The following ABCA5 variants were observed in gnomAD, a reference collection of about 807,000 sequenced individuals.
ABCA5 encodes ATP binding cassette subfamily A member 5.
ABCA5 carries 163 observed loss-of-function variants against 206.0 expected under a neutral mutation model. The ratio of observed to expected loss-of-function variants is 0.79; its 90% CI spans 0.70 to 0.90. The LOEUF (loss-of-function observed/expected upper bound fraction) is 0.90, where lower values mean the gene tolerates loss of function less well. Among genes scored for constraint, ABCA5 ranks in the 40% least tolerant of loss-of-function variants. ABCA5 has a pLI of 0.00. For missense variants in ABCA5, 1,859 were observed against 1,912.9 expected, an observed-to-expected ratio of 0.97 and a Z score of 0.53; for synonymous variants, 609 against 613.8, an observed-to-expected ratio of 0.99 and a Z score of 0.11.
At chr17:69,273,747 C>T (rs1598166291) in intron 20 of ABCA5, among the ~76,000 whole-genome samples, 3 of 152,034 alleles carry the variant, frequency 2.0e-5, no homozygotes, top group Admixed American at 2.0e-4. Context: ...GGAGCCATCG[C>T]ACCTGGCCAA....
In ABCA5 at chr17:69,294,640, AG is replaced by A. The variant is rs746667342; in HGVS notation, c.1495+14del. 2 of 1,593,920 alleles carry A rather than the reference AG, an allele frequency of 1.3e-6. No individual in the cohort carries two copies. The highest frequency in any genetic ancestry group is 1.7e-6 in the Non-Finnish European group (2 of 1,164,118). ...CTTTAAATACTATGGCCTGAATACT[AG>A]GAAAACTACTTACTTCTCAAAGCCT... On this transcript the variant is annotated intron_variant, in intron 11 of 38. Transcript: ENST00000392676.
intron 7 of ABCA5, among the ~76,000 whole-genome samples, chr17:69,303,759 TAA>T (rs1176172773): frequency 6.1e-3 from 15 of 2,450 alleles, no homozygotes; most frequent in African/African-American, 7.8e-3. Context: ...ACCTCGACTC[TAA>T]AAAAAAAAAA....
intron 23 of ABCA5, among the ~76,000 whole-genome samples, chr17:69,265,833 G>A (rs555692879): frequency 3.2e-4 from 49 of 152,298 alleles, no homozygotes; most frequent in Admixed American, 5.9e-4. Flanking sequence ...CACACTGCTG[G>A]TAGGGATAAC....
chr17:69,270,508 T>A, intron 22 of ABCA5, 105 bp downstream of exon 22: 1 of 1,108,834 alleles, frequency 9.0e-7, no homozygotes, highest in Middle Eastern at 3.2e-4. Flanking sequence ...CTAAGAGATC[T>A]CACAAGATAA....
Position 69,309,290 on chromosome 17 carries a change from T to C in ABCA5, c.441A>G (p.Pro147=), listed in dbSNP as rs1468474891. 1.3e-6 allele frequency: 2 copies of C among 1,591,018 alleles called. No individual in the cohort carries two copies. ...TTGAATCCATATAAATAGAAGATAC[T>C]GGAATCATATCAGGAAAAAAACGAA... ...YELRFFPDMI[P]VSSIYMDSRA... The change falls in exon 4 of 39, where the codon CCA becomes CCG. Residue 147 remains proline, a synonymous_variant. Coordinates refer to ENST00000392676, the MANE Select transcript of ABCA5 (RefSeq NM_172232.4).
rs201705571 is a variant in ABCA5 at position 69,315,742 on chromosome 17, C to T, written c.-15-1312G>A. The stretch of plus-strand genomic sequence containing the variant: ...AGGTTGCAGTGAGCCAAGATTGCAC[C>T]GCTTCACACCAGCCTGGGTGACAGA... On this transcript the variant is annotated intron_variant, in intron 1 of 38. Coordinates refer to ENST00000392676, the MANE Select transcript of ABCA5 (RefSeq NM_172232.4). 1.4e-4 allele frequency among the ~76,000 whole-genome samples: 21 copies of T among 148,786 alleles called. No homozygotes were observed. The East Asian group carries it at 2.7e-3, about 19-fold the overall frequency.
intron 28 of ABCA5, 38 bp from the exon 29 acceptor site, chr17:69,256,321 T>C (rs779555975): frequency 2.2e-6 from 3 of 1,355,646 alleles, no homozygotes; most frequent in Non-Finnish European, 3.0e-6. Flanking sequence ...CAGTAGGTTT[T>C]CAAATAATTA....
In ABCA5 at chr17:69,277,644, G is replaced by C; in HGVS notation, c.2591C>G (p.Ser864Ter). The C allele has an allele frequency of 6.2e-7, 1 of 1,607,958 alleles. No homozygotes were observed. The highest frequency in any genetic ancestry group is 8.5e-7 in the Non-Finnish European group (1 of 1,177,516). The change falls in exon 19 of 39, where the codon TCA (serine) becomes TGA (stop). Residue 864 changes from serine (S) to a stop codon, truncating the protein, a stop_gained. Transcript: ENST00000392676. LOFTEE classifies it high-confidence loss of function. Reference protein sequence around the residue: ...TLKRESKSVRSVLLLLLIFFT... With the variant: ...TLKRESKSVR The stretch of plus-strand genomic sequence containing the variant: ...TAAGGGTGATAATTATACTTACACT[G>C]ATCTCACTGATTTACTTTCACGTTT...
intron 7 of ABCA5, among the ~76,000 whole-genome samples, chr17:69,303,202 C>T (rs983482530): frequency 6.6e-6 from 1 of 152,156 alleles, no homozygotes; most frequent in Non-Finnish European, 1.5e-5. Flanking sequence ...ACTGCAACCT[C>T]CACCTCCTGG....
chr17:69,291,421 T>C (rs1262123697), intron 11 of ABCA5, 95 bp from the exon 12 acceptor site: 2 of 669,696 alleles, frequency 3.0e-6, no homozygotes, highest in African/African-American at 1.8e-5. Flanking sequence ...CAAGGCACTA[T>C]ATCTATAAAT....
At chr17:69,252,836 C>CAAA (rs34161698) in intron 34 of ABCA5, among the ~76,000 whole-genome samples, 15 of 96,994 alleles carry the variant, frequency 1.5e-4, no homozygotes, top group African/African-American at 5.7e-4. Flanking sequence ...GACTCTGACT[C>CAAA]AAAAAAAAAA....
At chr17:69,252,016 A>ACTTTTATATTCTCTTTT in intron 34 of ABCA5, 150 bp from the exon 35 acceptor site, 1 of 612,598 alleles carries the variant, frequency 1.6e-6, no homozygotes, top group Non-Finnish European at 2.6e-6. Context: ...CCCAACTATG[A>ACTTTTATATTCTCTTTT]TTTTTTTTTT....
At chr17:69,309,200 G>A (rs993194116) in intron 4 of ABCA5, 62 bp downstream of exon 4, 1 of 1,343,034 alleles carries the variant, frequency 7.4e-7, no homozygotes, top group African/African-American at 1.5e-5. Context: ...TTTTGACTAT[G>A]AACTGCAAGC....
chr17:69,259,650 T>A, intron 28 of ABCA5, 56 bp downstream of exon 28: 3 of 1,205,510 alleles, frequency 2.5e-6, no homozygotes, highest in Non-Finnish European at 3.6e-6. Context: ...TGGTAATGGT[T>A]ACACAGTTCT....
chr17:69,291,598 G>A (rs1480952449), intron 11 of ABCA5, among the ~76,000 whole-genome samples: 1 of 152,002 alleles, frequency 6.6e-6, no homozygotes, highest in Non-Finnish European at 1.5e-5. Flanking sequence ...CCCAATTTTT[G>A]GGAATTACCA....
At chr17:69,316,137 C>A (rs1416350348) in intron 1 of ABCA5, among the ~76,000 whole-genome samples, 1 of 152,128 alleles carries the variant, frequency 6.6e-6, no homozygotes, top group East Asian at 1.9e-4. Context: ...TATCAATAGG[C>A]ATTATCCAAT....
intron 23 of ABCA5, among the ~76,000 whole-genome samples, chr17:69,265,248 A>G (rs2075195863): frequency 6.6e-6 from 1 of 152,156 alleles, no homozygotes; most frequent in South Asian, 2.1e-4. Flanking sequence ...ACTACTTTTG[A>G]AATACTGTGG....
intron 38 of ABCA5, among the ~76,000 whole-genome samples, chr17:69,247,919 G>A (rs145452348): frequency 2.0e-5 from 3 of 151,972 alleles, no homozygotes; most frequent in Non-Finnish European, 4.4e-5. Context: ...CCACCATCAT[G>A]ACTCACTTTC....
chr17:69,245,764 C>A lies in ABCA5; in HGVS notation c.*1773G>T, dbSNP rs970156671. The A allele has an allele frequency of 6.6e-6, 1 of 151,894 alleles. No individual in the cohort carries two copies. The highest frequency in any genetic ancestry group is 2.4e-5 in the African/African-American group (1 of 41,402). 9.4% of individuals were successfully genotyped at this position (151,894 alleles called of 1,614,324 possible). ...TGCAGGAAAAAAAATTTACTTTGCA[C>A]CAATTACACATTCACAAATGTAAAG... On this transcript the variant is annotated 3_prime_UTR_variant, in exon 39 of 39. Transcript: ENST00000392676.
Sources: allele counts gnomAD v4.1 joint callset (sites outside exome capture counted in the v4.1 genomes callset), GRCh38; gene constraint gnomAD v4.1.1; transcripts MANE v1.5; gene names NCBI Gene and HGNC (gene_info 2026-07-23, HGNC 2026-07-21).